The following UBE2E2 variants were observed in gnomAD, a reference collection of about 807,000 sequenced individuals.
UBE2E2 encodes ubiquitin conjugating enzyme E2 E2.
In UBE2E2, 6 loss-of-function variants were observed where a neutral mutation model predicts 24.7. The ratio of observed to expected loss-of-function variants is 0.24; its 90% confidence interval spans 0.13 to 0.48. The LOEUF (loss-of-function observed/expected upper bound fraction) is 0.48, where lower values mean the gene tolerates loss of function less well. Among genes scored for constraint, UBE2E2 ranks in the 20% least tolerant of loss-of-function variants. UBE2E2 has a pLI of 0.99. For missense variants in UBE2E2, 169 were observed against 245.0 expected (o/e 0.69, Z 2.07); for synonymous variants, 104 against 83.6 (o/e 1.24, Z -1.33).
At chr3:23,403,256 C>A (rs1220339334) in intron 3 of UBE2E2, among the ~76,000 whole-genome samples, 1 of 152,214 alleles carries the variant, frequency 6.6e-6, no homozygotes, top group Non-Finnish European at 1.5e-5. Context: ...ATGGACACTG[C>A]AGTGACTGTC....
chr3:23,308,614 G>C (rs966039680), intron 3 of UBE2E2, among the ~76,000 whole-genome samples: 1 of 152,128 alleles, frequency 6.6e-6, no homozygotes, highest in African/African-American at 2.4e-5. Flanking sequence ...ACATCTGTTA[G>C]TCTCAAAATT....
chr3:23,426,195 A>G (rs1309862220), intron 3 of UBE2E2, among the ~76,000 whole-genome samples: 1 of 152,224 alleles, frequency 6.6e-6, no homozygotes, highest in Non-Finnish European at 1.5e-5. Context: ...CTTCCAAGAT[A>G]GAAAAGTAAA....
chr3:23,386,884 CA>C (rs1439851649), intron 3 of UBE2E2, among the ~76,000 whole-genome samples: 1 of 152,172 alleles, frequency 6.6e-6, no homozygotes, highest in East Asian at 1.9e-4. Flanking sequence ...TGTCAGAACC[CA>C]TATCTTCATA....
chr3:23,318,778 G>A (rs1482231151), intron 3 of UBE2E2, among the ~76,000 whole-genome samples: 2 of 152,058 alleles, frequency 1.3e-5, no homozygotes, highest in Non-Finnish European at 2.9e-5. Flanking sequence ...GGGAATTATG[G>A]GAGTTAGCAT....
intron 4 of UBE2E2, among the ~76,000 whole-genome samples, chr3:23,508,998 G>T (rs939112124): frequency 6.6e-6 from 1 of 152,140 alleles, no homozygotes; most frequent in African/African-American, 2.4e-5. Context: ...CTCCCCTCAC[G>T]TGAGTTTTCT....
intron 3 of UBE2E2, among the ~76,000 whole-genome samples, chr3:23,341,547 G>GTAA (rs889067437): frequency 2.6e-5 from 4 of 152,130 alleles, no homozygotes; most frequent in African/African-American, 9.7e-5. Context: ...GGTAAGCTTA[G>GTAA]GTTTAGGGTC....
chr3:23,356,939 T>C (rs779764086), intron 3 of UBE2E2, among the ~76,000 whole-genome samples: 8 of 152,238 alleles, frequency 5.3e-5, no homozygotes, highest in Non-Finnish European at 7.3e-5. Flanking sequence ...ACAGATACAC[T>C]GTGTAACTGG....
chr3:23,512,055 G>A (rs1995174), intron 4 of UBE2E2, among the ~76,000 whole-genome samples: 31,325 of 151,938 alleles, frequency 0.21, 3,232 homozygotes, highest in Middle Eastern at 0.24. Context: ...CCAGGGTCAG[G>A]ATTAGAACTC....
intron 5 of UBE2E2, among the ~76,000 whole-genome samples, chr3:23,548,550 A>C (rs930587428): frequency 5.3e-5 from 8 of 152,200 alleles, no homozygotes; most frequent in African/African-American, 1.9e-4. Flanking sequence ...CTTCTTTAAG[A>C]CAGAACTTTG....
At chr3:23,532,061 C>CAA (rs538531736) in intron 4 of UBE2E2, among the ~76,000 whole-genome samples, 10 of 91,272 alleles carry the variant, frequency 1.1e-4, no homozygotes, top group East Asian at 8.5e-4. Context: ...AACTCTATCT[C>CAA]AAAAAAAAAA....
intron 5 of UBE2E2, among the ~76,000 whole-genome samples, chr3:23,535,992 T>G (rs1575692066): frequency 6.6e-6 from 1 of 152,210 alleles, no homozygotes; most frequent in East Asian, 1.9e-4. Context: ...TTATTTAATT[T>G]GTGAATTGCC....
intron 3 of UBE2E2, among the ~76,000 whole-genome samples, chr3:23,410,061 CAT>C (rs1409751183): frequency 4.6e-5 from 7 of 152,110 alleles, no homozygotes; most frequent in Admixed American, 2.6e-4. Flanking sequence ...AAGACTTGAA[CAT>C]ATCTTTTTGA....
chr3:23,517,974 A>T (rs1330000494), intron 4 of UBE2E2, among the ~76,000 whole-genome samples: 4 of 150,536 alleles, frequency 2.7e-5, no homozygotes, highest in Non-Finnish European at 4.4e-5. Flanking sequence ...GAAAATGGGA[A>T]TTTTTTTTTT....
chr3:23,478,766 C>T (rs1052580239), intron 3 of UBE2E2, among the ~76,000 whole-genome samples: 31 of 152,086 alleles, frequency 2.0e-4, no homozygotes, highest in African/African-American at 7.0e-4. Context: ...AGAGGTGAGT[C>T]ATGATGGCTC....
chr3:23,426,188 C>T (rs1436826569), intron 3 of UBE2E2, among the ~76,000 whole-genome samples: 3 of 151,640 alleles, frequency 2.0e-5, no homozygotes, highest in African/African-American at 4.9e-5. Flanking sequence ...GTAGAAACTT[C>T]CAAGATAGAA....
chr3:23,584,891 C>T (rs992816757), intron 5 of UBE2E2, among the ~76,000 whole-genome samples: 4 of 151,994 alleles, frequency 2.6e-5, no homozygotes, highest in Non-Finnish European at 5.9e-5. Flanking sequence ...GTCTTTCACT[C>T]GCTTGCAAAT....
Position 23,589,999 on chromosome 3 carries a change from C to A in UBE2E2, c.*168C>A, listed in dbSNP as rs534706757. Reference sequence around the variant, plus strand: ...ATCTTCCCATCCCAGTTCTTCCTGCCCCCCTTCCTCTCTCCCACGCTCTCT... The same window carrying A: ...ATCTTCCCATCCCAGTTCTTCCTGCACCCCTTCCTCTCTCCCACGCTCTCT... On this transcript the variant is annotated 3_prime_UTR_variant, in exon 6 of 6. Transcript: ENST00000396703. The surrounding 1 kb of genome is among the most constrained non-coding windows in gnomAD (Gnocchi z 4.1). The A allele has an allele frequency of 1.1e-4, 59 of 558,570 alleles. No homozygotes were observed. The highest frequency in any genetic ancestry group is 9.6e-4 in the African/African-American group (51 of 53,120). The allele number at this position is 558,570 out of a possible 1,614,324, so 34.6% of individuals were successfully genotyped here. A position where few individuals can be genotyped will look rare whatever the true frequency, so the allele number is the denominator to read the frequency against.
In UBE2E2 at chr3:23,583,521, G is replaced by A. The variant is rs1696536710; in HGVS notation, c.509-6213G>A. Among the ~76,000 whole-genome samples, 1 of 152,178 alleles carries A rather than the reference G, an allele frequency of 6.6e-6. No individual in the cohort carries two copies. The highest frequency in any genetic ancestry group is 1.5e-5 in the Non-Finnish European group (1 of 68,024). ...TTGCACCTGTAAATTGCTTTGGGCA[G>A]TATGGCCATTTTAACAAACTTCTTC... On this transcript the variant is annotated intron_variant, in intron 5 of 5. Transcript: ENST00000396703. The surrounding 1 kb of genome is among the most constrained non-coding windows in gnomAD (Gnocchi z 4.1).
At chr3:23,309,865 C>A (rs2125275338) in intron 3 of UBE2E2, among the ~76,000 whole-genome samples, 1 of 152,042 alleles carries the variant, frequency 6.6e-6, no homozygotes, top group Middle Eastern at 3.4e-3. Flanking sequence ...ACTCGACTGC[C>A]CTCGTGACAT....
Sources: gnomAD v4.1 joint callset for allele counts (sites outside exome capture counted in the v4.1 genomes callset) on GRCh38, gnomAD v4.1.1 for gene constraint, Gnocchi (gnomAD v3.1) non-coding constraint, MANE v1.5 for transcripts, NCBI Gene and HGNC (gene_info 2026-07-23, HGNC 2026-07-21) for gene names.